The following HERC4 variants were observed in gnomAD, a reference collection of about 807,000 sequenced individuals.
HERC4 encodes probable E3 ubiquitin-protein ligase HERC4.
In HERC4, 28 loss-of-function variants were observed where a neutral mutation model predicts 124.3. The ratio of observed to expected loss-of-function variants is 0.23; its 90% CI spans 0.17 to 0.31. The LOEUF (loss-of-function observed/expected upper bound fraction) is 0.31, where lower values mean the gene tolerates loss of function less well. Ranked by LOEUF, HERC4 falls within the 10% of genes least tolerant of loss-of-function variation. HERC4 has a pLI of 1.00. For missense variants in HERC4, 713 were observed against 1,229.3 expected, an observed-to-expected ratio of 0.58 and a Z score of 6.28; for synonymous variants, 407 against 421.5, an observed-to-expected ratio of 0.97 and a Z score of 0.42.
chr10:68,001,753 AT>A (rs2037246466), intron 9 of HERC4, among the ~76,000 whole-genome samples: 1 of 152,036 alleles, frequency 6.6e-6, no homozygotes, highest in Admixed American at 6.6e-5. Context: ...AGTAACCACT[AT>A]TTCTGTCTCT....
intron 23 of HERC4, among the ~76,000 whole-genome samples, chr10:67,926,128 C>CT (rs1221836070): frequency 1.4e-4 from 21 of 152,292 alleles, no homozygotes; most frequent in Non-Finnish European, 1.9e-4. Context: ...GGCGCGGTGG[C>CT]TCACGCCTAT....
chr10:67,967,342 A>G (rs957518807), intron 15 of HERC4, among the ~76,000 whole-genome samples: 3 of 152,200 alleles, frequency 2.0e-5, no homozygotes, highest in Non-Finnish European at 2.9e-5. Context: ...TAGAAAAGAC[A>G]TGTCTTTATA....
chr10:67,991,099 T>C, intron 12 of HERC4, 41 bp downstream of exon 12: 1 of 1,434,074 alleles, frequency 7.0e-7, no homozygotes, highest in Non-Finnish European at 9.4e-7. Context: ...TTTAAGACAA[T>C]AAATTTGAAA....
intron 24 of HERC4, among the ~76,000 whole-genome samples, chr10:67,924,506 T>C (rs2030646198): frequency 6.6e-6 from 1 of 152,296 alleles, no homozygotes; most frequent in Admixed American, 6.5e-5. Flanking sequence ...CAGTAGGTAT[T>C]TGTGTATCTA....
intron 9 of HERC4, among the ~76,000 whole-genome samples, chr10:68,009,810 A>C (rs1389940856): frequency 6.6e-6 from 1 of 152,148 alleles, no homozygotes; most frequent in African/African-American, 2.4e-5. Flanking sequence ...AAGTTTATGG[A>C]ATATTCTAAA....
At chr10:67,959,866 A>G (rs1350480265) in intron 16 of HERC4, among the ~76,000 whole-genome samples, 1 of 152,222 alleles carries the variant, frequency 6.6e-6, no homozygotes, top group East Asian at 1.9e-4. Context: ...TGCTCAGAGC[A>G]CAGACTCGTG....
chr10:67,973,810 T>C (rs1427004499), intron 15 of HERC4, among the ~76,000 whole-genome samples: 1 of 151,932 alleles, frequency 6.6e-6, no homozygotes. Flanking sequence ...TCCCAGAACT[T>C]TGGGAGGCCA....
chr10:68,059,602 TA>T (rs2040789775), intron 3 of HERC4, among the ~76,000 whole-genome samples: 2 of 84,818 alleles, frequency 2.4e-5, no homozygotes, highest in African/African-American at 6.3e-5. Context: ...TTATATATCA[TA>T]ATATTATATA....
At chr10:68,072,776 T>G in intron 3 of HERC4, 107 bp downstream of exon 3, 1 of 747,218 alleles carries the variant, frequency 1.3e-6, no homozygotes, top group East Asian at 2.9e-5. Flanking sequence ...ACTTTGCTTT[T>G]AAAGCTTGAT....
intron 7 of HERC4, among the ~76,000 whole-genome samples, chr10:68,028,657 C>T (rs2039030538): frequency 6.6e-6 from 1 of 151,954 alleles, no homozygotes; most frequent in Non-Finnish European, 1.5e-5. Flanking sequence ...AAAACAAAAA[C>T]AAAAACAAAA....
At chr10:68,027,790 G>A (rs1259052416) in intron 7 of HERC4, among the ~76,000 whole-genome samples, 2 of 151,960 alleles carry the variant, frequency 1.3e-5, no homozygotes, top group African/African-American at 2.4e-5. Context: ...GGGCGTAGTG[G>A]TGTGTGCCTG....
intron 4 of HERC4, among the ~76,000 whole-genome samples, chr10:68,039,026 G>A (rs1048937257): frequency 2.2e-4 from 34 of 151,912 alleles, no homozygotes; most frequent in African/African-American, 7.7e-4. Flanking sequence ...TGCCAGATGC[G>A]GATTACAGGT....
chr10:68,068,574 C>T (rs1396785463), intron 3 of HERC4: 1 of 152,252 alleles, frequency 6.6e-6, no homozygotes, highest in Non-Finnish European at 1.5e-5. Flanking sequence ...GCAGGAGGAT[C>T]ACTTGAGCCC....
At chr10:67,972,000 G>A (rs1362440096) in intron 15 of HERC4, among the ~76,000 whole-genome samples, 1 of 151,886 alleles carries the variant, frequency 6.6e-6, no homozygotes, top group Admixed American at 6.6e-5. Context: ...GATCACTACA[G>A]TTCAGGAGTT....
At chr10:68,039,660 A>G in intron 4 of HERC4, 1 of 1,362,900 alleles carries the variant, frequency 7.3e-7, no homozygotes, top group East Asian at 2.6e-5. Flanking sequence ...TGCACCTTCA[A>G]ATTTTCAAAC....
chr10:67,970,742 T>C (rs1417062744), intron 15 of HERC4, among the ~76,000 whole-genome samples: 1 of 151,546 alleles, frequency 6.6e-6, no homozygotes, highest in Non-Finnish European at 1.5e-5. Context: ...TAAAAACACA[T>C]AAAAATTTGT....
chr10:68,064,577 AGAG>A (rs1276373292), intron 3 of HERC4, among the ~76,000 whole-genome samples: 25 of 137,620 alleles, frequency 1.8e-4, no homozygotes, highest in Non-Finnish European at 3.4e-4. Context: ...AAAAAAAAAA[AGAG>A]AGAGAGAGAA....
At chr10:68,061,879 T>TTAA (rs773936246) in intron 3 of HERC4, among the ~76,000 whole-genome samples, 45 of 54,882 alleles carry the variant, frequency 8.2e-4, no homozygotes, top group African/African-American at 3.6e-3. Flanking sequence ...AGACTCCATT[T>TTAA]AAAAAAAAAA....
chr10:68,049,085 A>G (rs1178140068), intron 3 of HERC4, among the ~76,000 whole-genome samples: 1 of 151,844 alleles, frequency 6.6e-6, no homozygotes, highest in East Asian at 1.9e-4. Flanking sequence ...GTGTATGTGT[A>G]TATATATATA....
Sources: gnomAD v4.1 joint callset for allele counts (sites outside exome capture counted in the v4.1 genomes callset) on GRCh38, gnomAD v4.1.1 for gene constraint, MANE v1.5 for transcripts, NCBI Gene and HGNC (gene_info 2026-07-23, HGNC 2026-07-21) for gene names.